PTPRD: variants seen among roughly 807,000 people sequenced by gnomAD.
PTPRD encodes receptor-type tyrosine-protein phosphatase delta.
A neutral mutation model predicts 214.5 loss-of-function variants in PTPRD; 34 were observed. That is an observed-to-expected ratio of 0.16 (90% CI 0.12 to 0.21). The LOEUF is 0.21. PTPRD is among the 10% of genes least tolerant of loss of function. The pLI, the probability that PTPRD is intolerant of heterozygous loss-of-function variation, is 1.00. For synonymous variants in PTPRD, 1,128 were observed against 845.7 expected, an observed-to-expected ratio of 1.33 and a Z score of -5.79; for missense variants, 2,545 against 2,398.7, an observed-to-expected ratio of 1.06 and a Z score of -1.27.
At chr9:10,585,555 G>C (rs563002710) in intron 2 of PTPRD, among the ~76,000 whole-genome samples, 4 of 152,158 alleles carry the variant, frequency 2.6e-5, no homozygotes, top group African/African-American at 9.6e-5. Flanking sequence ...CTCACATCAT[G>C]CCATGTTATC....
chr9:8,722,026 G>A (rs1373561603), intron 12 of PTPRD, among the ~76,000 whole-genome samples: 2 of 152,176 alleles, frequency 1.3e-5, no homozygotes, highest in Admixed American at 1.3e-4. Flanking sequence ...CAACTGGACT[G>A]TAAGCTGCTT....
intron 8 of PTPRD, among the ~76,000 whole-genome samples, chr9:9,453,463 T>G (rs959624198): frequency 6.6e-6 from 1 of 151,772 alleles, no homozygotes; most frequent in Admixed American, 6.6e-5. Context: ...CACATCTGTG[T>G]CGGGGAAATA....
At chr9:8,332,681 G>C (rs1318274253) in intron 43 of PTPRD, among the ~76,000 whole-genome samples, 1 of 152,084 alleles carries the variant, frequency 6.6e-6, no homozygotes. Flanking sequence ...GGAAATTTAA[G>C]GTGTTTCTAG....
At chr9:8,476,232 T>C (rs918496124) in intron 30 of PTPRD, among the ~76,000 whole-genome samples, 1 of 152,160 alleles carries the variant, frequency 6.6e-6, no homozygotes, top group African/African-American at 2.4e-5. Context: ...CATCAGGCAT[T>C]AGATTCTCAT....
chr9:8,737,009 G>T (rs1199992262), intron 11 of PTPRD, among the ~76,000 whole-genome samples: 1 of 152,166 alleles, frequency 6.6e-6, no homozygotes, highest in Non-Finnish European at 1.5e-5. Flanking sequence ...GACTCAATTT[G>T]TGTCTGTGCA....
intron 3 of PTPRD, among the ~76,000 whole-genome samples, chr9:10,169,611 TA>T (rs1025092036): frequency 6.6e-6 from 1 of 152,086 alleles, no homozygotes; most frequent in African/African-American, 2.4e-5. Flanking sequence ...AAAGGTACTG[TA>T]AAAAACCCAA....
intron 5 of PTPRD, among the ~76,000 whole-genome samples, chr9:9,835,506 A>C (rs903098050): frequency 3.3e-5 from 5 of 152,112 alleles, no homozygotes; most frequent in African/African-American, 9.7e-5. Context: ...GAGTATGCGG[A>C]AAGAAAGAAA....
At position 10,101,099 on chromosome 9, in the gene PTPRD, T is replaced by C. The variant is rs1157242093; in HGVS notation, c.-544-67309A>G. 2.0e-5 allele frequency among the ~76,000 whole-genome samples: 3 copies of C among 151,464 alleles called. No homozygotes were observed. In the East Asian group the frequency reaches 5.9e-4, roughly 30 times the overall value. On this transcript the variant is annotated intron_variant, in intron 3 of 45. Coordinates refer to ENST00000381196, the MANE Select transcript of PTPRD (RefSeq NM_002839.4). ...TTTCACTTAATTGCAAGTTTTACAT[T>C]CAGATGGGACTGACTGAAAGTTTCT...
At chr9:8,582,595 T>C (rs1408713946) in intron 14 of PTPRD, among the ~76,000 whole-genome samples, 1 of 152,182 alleles carries the variant, frequency 6.6e-6, no homozygotes, top group African/African-American at 2.4e-5. Context: ...TGGCAATTTA[T>C]AGAAGATGAA....
At chr9:8,514,490 A>T (rs1001982506) in intron 21 of PTPRD, among the ~76,000 whole-genome samples, 6 of 151,826 alleles carry the variant, frequency 4.0e-5, no homozygotes, top group African/African-American at 1.5e-4. Context: ...CTTTCATAAA[A>T]ATGTTCTTCC....
chr9:9,275,811 C>T (rs751828070), intron 9 of PTPRD, among the ~76,000 whole-genome samples: 20 of 149,694 alleles, frequency 1.3e-4, no homozygotes, highest in South Asian at 4.2e-4. Flanking sequence ...CAACAGTGAG[C>T]GAAACAGCTG....
chr9:8,592,923 CAAG>C (rs1202696813), intron 14 of PTPRD, among the ~76,000 whole-genome samples: 2 of 152,082 alleles, frequency 1.3e-5, no homozygotes, highest in African/African-American at 2.4e-5. Flanking sequence ...CAGAAAGAAT[CAAG>C]AAGGACAATA....
intron 35 of PTPRD, among the ~76,000 whole-genome samples, chr9:8,408,777 C>G (rs1335225817): frequency 2.0e-5 from 3 of 152,096 alleles, no homozygotes; most frequent in Non-Finnish European, 4.4e-5. Flanking sequence ...TCCTCCCCAC[C>G]GCAGCTTTTG....
At chr9:8,919,917 G>C (rs935221485) in intron 11 of PTPRD, among the ~76,000 whole-genome samples, 10 of 122,884 alleles carry the variant, frequency 8.1e-5, no homozygotes, top group African/African-American at 2.0e-4. Flanking sequence ...TGCATAAGTG[G>C]ATGCATGTGC....
At chr9:9,590,243 G>T (rs79665625) in intron 7 of PTPRD, among the ~76,000 whole-genome samples, 7,270 of 151,876 alleles carry the variant, frequency 0.048, 535 homozygotes, top group African/African-American at 0.16. Flanking sequence ...TATATCACAA[G>T]AATTTTTTTC....
At chr9:9,445,679 C>T (rs571237724) in intron 8 of PTPRD, among the ~76,000 whole-genome samples, 4 of 152,066 alleles carry the variant, frequency 2.6e-5, no homozygotes, top group South Asian at 2.1e-4. Context: ...ACGAGAACAG[C>T]GGCATGGGGT....
intron 21 of PTPRD, among the ~76,000 whole-genome samples, chr9:8,510,157 T>G (rs1238758674): frequency 6.6e-6 from 1 of 151,978 alleles, no homozygotes; most frequent in East Asian, 1.9e-4. Context: ...CTGGGCATGG[T>G]GGAGCATGCC....
intron 11 of PTPRD, among the ~76,000 whole-genome samples, chr9:8,950,362 G>T (rs901336404): frequency 1.3e-5 from 2 of 151,790 alleles, no homozygotes; most frequent in African/African-American, 2.4e-5. Flanking sequence ...CCTCACAATT[G>T]ACATCCAACA....
chr9:8,951,396 C>T lies in PTPRD; in HGVS notation c.-104+67301G>A, dbSNP rs1025756014. Among the ~76,000 whole-genome samples, 13 of 149,880 alleles carry T rather than the reference C, an allele frequency of 8.7e-5. No homozygotes were observed. In the Admixed American group the frequency reaches 8.7e-4, roughly 10 times the overall value. ...CAGGCTTCAGTCTTTCTTCTCTTTC[C>T]TCCTTAACATGTAGGTTATCTAATT... On this transcript the variant is annotated intron_variant, in intron 11 of 45. Coordinates refer to ENST00000381196, the MANE Select transcript of PTPRD (RefSeq NM_002839.4).
Sources: gnomAD v4.1 joint callset for allele counts (sites outside exome capture counted in the v4.1 genomes callset) on GRCh38, gnomAD v4.1.1 for gene constraint, MANE v1.5 for transcripts, NCBI Gene and HGNC (gene_info 2026-07-23, HGNC 2026-07-21) for gene names.